The following SPIDR variants were observed in gnomAD, a reference collection of about 807,000 sequenced individuals.
The protein encoded by SPIDR is scaffold protein involved in DNA repair.
A neutral mutation model predicts 104.6 loss-of-function variants in SPIDR; 93 were observed. The ratio of observed to expected loss-of-function variants is 0.89; its 90% CI spans 0.75 to 1.06. The LOEUF (loss-of-function observed/expected upper bound fraction) is 1.06. Ranked by LOEUF, SPIDR falls within the 50% of genes least tolerant of loss-of-function variation. The probability of loss-of-function intolerance (pLI) is 0.00; values close to 1 mark genes in which losing one functional copy is unlikely to be tolerated. For synonymous variants in SPIDR, 431 were observed against 416.9 expected, an observed-to-expected ratio of 1.03 and a Z score of -0.41; for missense variants, 1,154 against 1,111.2, an observed-to-expected ratio of 1.04 and a Z score of -0.55.
At chr8:47,712,969 G>C in intron 15 of SPIDR, 97 bp downstream of exon 15, 1 of 1,550,790 alleles carries the variant, frequency 6.4e-7, no homozygotes, top group South Asian at 1.2e-5. Flanking sequence ...TTGCTTGGAC[G>C]CTGCCGGCAC....
intron 8 of SPIDR, among the ~76,000 whole-genome samples, chr8:47,495,429 T>G (rs894874294): frequency 1.3e-5 from 2 of 152,088 alleles, no homozygotes; most frequent in Non-Finnish European, 2.9e-5. Context: ...ATACAATTCT[T>G]CATTTTAAAA....
intron 8 of SPIDR, among the ~76,000 whole-genome samples, chr8:47,552,192 T>G (rs1421635407): frequency 5.3e-5 from 8 of 152,208 alleles, no homozygotes; most frequent in Non-Finnish European, 1.0e-4. Context: ...TACTTCCAAC[T>G]ATGTGGTCAA....
At chr8:47,551,711 CA>C (rs1172074760) in intron 8 of SPIDR, among the ~76,000 whole-genome samples, 2 of 152,040 alleles carry the variant, frequency 1.3e-5, no homozygotes, top group African/African-American at 4.8e-5. Flanking sequence ...TCGATCATTT[CA>C]AAAAACCAGC....
chr8:47,549,228 A>T (rs182587490), intron 8 of SPIDR, among the ~76,000 whole-genome samples: 8 of 152,304 alleles, frequency 5.3e-5, no homozygotes, highest in Admixed American at 5.2e-4. Context: ...TGCAATAAAC[A>T]TATGTGTGCA....
At chr8:47,302,922 G>A (rs957686973) in intron 5 of SPIDR, among the ~76,000 whole-genome samples, 4 of 152,186 alleles carry the variant, frequency 2.6e-5, no homozygotes, top group African/African-American at 7.2e-5. Flanking sequence ...CAGTGTGTCC[G>A]TTCTCAGATC....
chr8:47,509,528 G>A lies in SPIDR; in HGVS notation c.1097+68986G>A, dbSNP rs145503182. 2.8e-3 allele frequency among the ~76,000 whole-genome samples: 430 copies of A among 152,230 alleles called. 7 individuals carry two copies. Among genetic ancestry groups the A allele is most frequent in the Admixed American group, 0.024 (368 of 15,292 alleles). On this transcript the variant is annotated intron_variant, in intron 8 of 19. Coordinates refer to ENST00000297423, the MANE Select transcript of SPIDR (RefSeq NM_001080394.4). ...CCAGGAGAGTGCCACTTATAGACTG[G>A]CATTTTGGCAACTGTGATGAACTCC... is the stretch of plus-strand genomic sequence containing the variant.
chr8:47,553,932 G>A (rs543880413), intron 8 of SPIDR, among the ~76,000 whole-genome samples: 2 of 152,328 alleles, frequency 1.3e-5, no homozygotes, highest in East Asian at 3.9e-4. Flanking sequence ...GGGTTTTGGT[G>A]TGGATGTCCT....
At chr8:47,565,896 A>G (rs2057726266) in intron 8 of SPIDR, among the ~76,000 whole-genome samples, 2 of 143,900 alleles carry the variant, frequency 1.4e-5, no homozygotes, top group Non-Finnish European at 1.5e-5. Context: ...ACATTCTACT[A>G]TGTGGCTGAA....
At chr8:47,440,690 G>C in intron 8 of SPIDR, 148 bp downstream of exon 8, 1 of 717,540 alleles carries the variant, frequency 1.4e-6, no homozygotes, top group Non-Finnish European at 2.3e-6. Flanking sequence ...TTCTGTCAGA[G>C]AAGCACTGGA....
At chr8:47,586,140 A>G (rs1271275022) in intron 8 of SPIDR, among the ~76,000 whole-genome samples, 2 of 152,164 alleles carry the variant, frequency 1.3e-5, no homozygotes, top group Non-Finnish European at 2.9e-5. Flanking sequence ...ACCCATTGAT[A>G]GACATTTAGG....
At position 47,447,954 on chromosome 8, in the gene SPIDR, T is replaced by C. The variant is rs544104424; in HGVS notation, c.1097+7412T>C. On this transcript the variant is annotated intron_variant, in intron 8 of 19. Coordinates refer to ENST00000297423, the MANE Select transcript of SPIDR (RefSeq NM_001080394.4). ...GTTGCACACCTTATAGGCTATAATA[T>C]AGTGTAAACATAACTTTTATATGCA... Among the ~76,000 whole-genome samples the C allele has an allele frequency of 2.6e-5, 4 of 152,348 alleles. No individual in the cohort carries two copies. In the South Asian group the frequency reaches 8.3e-4, roughly 32 times the overall value.
chr8:47,298,753 CAGATAG>C (rs1439896494), intron 5 of SPIDR, among the ~76,000 whole-genome samples: 1 of 152,138 alleles, frequency 6.6e-6, no homozygotes, highest in Non-Finnish European at 1.5e-5. Context: ...TGTCAAAGAT[CAGATAG>C]TTGTAGATAT....
intron 19 of SPIDR, among the ~76,000 whole-genome samples, 196 bp from the exon 20 acceptor site, chr8:47,735,111 G>GTGTGTGT (rs2086028657): frequency 8.1e-5 from 11 of 135,180 alleles, no homozygotes; most frequent in African/African-American, 3.0e-4. Context: ...TGTGTGTGTG[G>GTGTGTGT]GTGTGTGTGT....
In SPIDR at chr8:47,703,936, A is replaced by AC. The variant is rs755977031; in HGVS notation, c.1977+1923dup. ...CCACCGAGTAGGATGCAAGCTTGTT[A>AC]CCTAAGGATGCCATAGGTGCTGCGC... On this transcript the variant is annotated intron_variant, in intron 14 of 19. Coordinates refer to ENST00000297423, the MANE Select transcript of SPIDR (RefSeq NM_001080394.4). Among the ~76,000 whole-genome samples the AC allele has an allele frequency of 3.0e-4, 45 of 152,356 alleles. No homozygotes were observed. In the East Asian group the frequency reaches 5.4e-3, roughly 18 times the overall value.
intron 11 of SPIDR, among the ~76,000 whole-genome samples, chr8:47,700,063 G>A (rs1475016669): frequency 6.6e-6 from 1 of 152,176 alleles, no homozygotes; most frequent in Non-Finnish European, 1.5e-5. Context: ...CAGAGAGTGA[G>A]AGAGAGTTAA....
At chr8:47,628,515 G>T (rs1004771192) in intron 10 of SPIDR, among the ~76,000 whole-genome samples, 1 of 152,070 alleles carries the variant, frequency 6.6e-6, no homozygotes, top group African/African-American at 2.4e-5. Flanking sequence ...TTTCTTATGA[G>T]TCAGTGTACA....
intron 5 of SPIDR, among the ~76,000 whole-genome samples, chr8:47,375,411 T>A (rs2058545655): frequency 6.6e-6 from 1 of 151,566 alleles, no homozygotes; most frequent in African/African-American, 2.4e-5. Context: ...CCAGCTAATT[T>A]TTGTATTTTT....
chr8:47,513,952 C>G (rs756350075), intron 8 of SPIDR, among the ~76,000 whole-genome samples: 2 of 152,110 alleles, frequency 1.3e-5, no homozygotes, highest in Non-Finnish European at 2.9e-5. Flanking sequence ...ACAGGTGAAC[C>G]ATGTGCCTTC....
At chr8:47,453,884 A>T (rs1554707996) in intron 8 of SPIDR, among the ~76,000 whole-genome samples, 1 of 152,228 alleles carries the variant, frequency 6.6e-6, no homozygotes, top group Non-Finnish European at 1.5e-5. Flanking sequence ...AAAAATGCTC[A>T]TTATCACTAG....
Sources: allele counts gnomAD v4.1 joint callset (sites outside exome capture counted in the v4.1 genomes callset), GRCh38; gene constraint gnomAD v4.1.1; transcripts MANE v1.5; gene names NCBI Gene and HGNC (gene_info 2026-07-23, HGNC 2026-07-21).